Variants in CFTR observed in about 807,000 individuals in gnomAD.
CFTR encodes cystic fibrosis transmembrane conductance regulator.
Under a neutral mutation model 171.6 loss-of-function variants are expected in CFTR, and 181 were observed. The observed-to-expected ratio is 1.05, with a 90% CI of 0.93 to 1.19. The LOEUF (loss-of-function observed/expected upper bound fraction) is 1.19. Among genes scored for constraint, CFTR ranks in the 50% most tolerant of loss-of-function variants. The probability of loss-of-function intolerance (pLI) is 0.00; values close to 1 mark genes in which losing one functional copy is unlikely to be tolerated. For missense variants in CFTR, 1,968 were observed against 1,734.7 expected (o/e 1.13, Z -2.39); for synonymous variants, 583 against 608.0 (o/e 0.96, Z 0.60).
At position 117,590,524 on chromosome 7, in the gene CFTR, T is replaced by A. The variant is rs1395260742; in HGVS notation, c.1766+85T>A. 4.1e-6 allele frequency: 6 copies of A among 1,472,192 alleles called. No individual in the cohort carries two copies. In the East Asian group the frequency reaches 1.4e-4, roughly 35 times the overall value. 91.2% of individuals were successfully genotyped at this position (1,472,192 alleles called of 1,614,324 possible). A position where few individuals can be genotyped will look rare whatever the true frequency, so the allele number is the denominator to read the frequency against. On this transcript the variant is annotated intron_variant, in intron 13 of 26. Coordinates refer to ENST00000003084, the MANE Select transcript of CFTR (RefSeq NM_000492.4). ...GTCCCATCATAGATTGCATTTTACC[T>A]CTTGAGAAATATGTTCACCATTGTT...
intron 11 of CFTR, among the ~76,000 whole-genome samples, chr7:117,565,921 A>G (rs1454249029): frequency 6.6e-6 from 1 of 152,150 alleles, no homozygotes; most frequent in African/African-American, 2.4e-5. Flanking sequence ...AATAAACTCT[A>G]TCATGCAGAT....
intron 17 of CFTR, 112 bp from the exon 18 acceptor site, chr7:117,606,562 C>A: frequency 1.4e-6 from 1 of 701,032 alleles, no homozygotes; most frequent in Non-Finnish European, 2.6e-6. Context: ...TTTGCTAATT[C>A]TTATTTGGGT....
chr7:117,531,566 A>T (rs1002174178), intron 4 of CFTR, among the ~76,000 whole-genome samples: 5 of 152,110 alleles, frequency 3.3e-5, no homozygotes, highest in Admixed American at 2.6e-4. Flanking sequence ...AGTAGTATCC[A>T]CCGCCTTATT....
At chr7:117,498,059 G>A (rs1247125991) in intron 1 of CFTR, among the ~76,000 whole-genome samples, 1 of 152,064 alleles carries the variant, frequency 6.6e-6, no homozygotes, top group Non-Finnish European at 1.5e-5. Flanking sequence ...GGATTCATTA[G>A]GTACGAAGTT....
intron 1 of CFTR, among the ~76,000 whole-genome samples, chr7:117,483,976 A>G (rs1798035863): frequency 6.6e-6 from 1 of 152,210 alleles, no homozygotes; most frequent in Non-Finnish European, 1.5e-5. Context: ...ACCATTTTGA[A>G]TGGGACCACA....
intron 13 of CFTR, 36 bp downstream of exon 13, chr7:117,590,475 G>C: frequency 6.3e-7 from 1 of 1,582,118 alleles, no homozygotes; most frequent in Non-Finnish European, 8.6e-7. Flanking sequence ...TAATGCTCAT[G>C]CTAAAATAAA....
At chr7:117,642,945 A>G (rs1256447549) in intron 23 of CFTR, among the ~76,000 whole-genome samples, 1 of 152,218 alleles carries the variant, frequency 6.6e-6, no homozygotes. Flanking sequence ...GCGAGACATA[A>G]CAGATGCTCC....
chr7:117,648,157 A>G (rs1793027177), intron 23 of CFTR, among the ~76,000 whole-genome samples: 1 of 150,958 alleles, frequency 6.6e-6, no homozygotes, highest in Non-Finnish European at 1.5e-5. Flanking sequence ...GCATATATAC[A>G]CGCACACACA....
At chr7:117,536,307 C>T (rs551567455) in intron 6 of CFTR, among the ~76,000 whole-genome samples, 9 of 152,120 alleles carry the variant, frequency 5.9e-5, no homozygotes, top group Non-Finnish European at 1.0e-4. Flanking sequence ...AGATACCCAC[C>T]GCTCATAGGC....
intron 13 of CFTR, among the ~76,000 whole-genome samples, 179 bp downstream of exon 13, chr7:117,590,618 A>G (rs913102308): frequency 6.6e-6 from 1 of 152,078 alleles, no homozygotes; most frequent in Non-Finnish European, 1.5e-5. Flanking sequence ...ATTCAAGATT[A>G]CTTCCATTAA....
In CFTR at chr7:117,603,623, T is replaced by C; in HGVS notation, c.2749T>C (p.Tyr917His). 6.2e-7 allele frequency: 1 copy of C among 1,614,112 alleles called. No individual in the cohort carries two copies. The highest frequency in any genetic ancestry group is 8.5e-7 in the Non-Finnish European group (1 of 1,179,960). ...ITSTSSYYVFYIYVGVADTLL... is the reference protein window; with the variant it reads ...ITSTSSYYVFHIYVGVADTLL... ...CAGCACCAGTTCGTATTATGTGTTTTACATTTACGTGGGAGTAGCCGACAC... is the reference window on the plus strand; with the variant it reads ...CAGCACCAGTTCGTATTATGTGTTTCACATTTACGTGGGAGTAGCCGACAC... The change falls in exon 17 of 27, where the codon TAC (tyrosine) becomes CAC (histidine). Residue 917 changes from tyrosine to histidine, a missense_variant. Coordinates refer to ENST00000003084, the MANE Select transcript of CFTR (RefSeq NM_000492.4).
At chr7:117,508,362 AAGTTT>A (rs1322268481) in intron 2 of CFTR, among the ~76,000 whole-genome samples, 4 of 152,164 alleles carry the variant, frequency 2.6e-5, no homozygotes, top group Non-Finnish European at 5.9e-5. Context: ...AGAAAACAGA[AAGTTT>A]ACTAGATTTC....
chr7:117,665,556 C>A lies in CFTR; in HGVS notation c.4234C>A (p.Gln1412Lys). 1.2e-6 allele frequency: 2 copies of A among 1,606,104 alleles called. No homozygotes were observed. The highest frequency in any genetic ancestry group is 1.7e-6 in the Non-Finnish European group (2 of 1,172,884). Residue 1412 changes from glutamine to lysine, a missense_variant, in exon 26 of 27, where the codon CAA (glutamine) becomes AAA (lysine). Coordinates refer to ENST00000003084, the MANE Select transcript of CFTR (RefSeq NM_000492.4). The stretch of plus-strand genomic sequence containing the variant: ...GATAGAAGCAATGCTGGAATGCCAA[C>A]AATTTTTGGTGAGTCTTTATAACTT... ...HRIEAMLECQ[Q>K]FLVIEENKVR... is the part of the protein sequence containing the mutation.
intron 20 of CFTR, among the ~76,000 whole-genome samples, chr7:117,613,724 G>A (rs1792439571): frequency 6.6e-6 from 1 of 151,888 alleles, no homozygotes; most frequent in Admixed American, 6.6e-5. Context: ...TTCTGTTAGA[G>A]GAATTGCAGA....
intron 2 of CFTR, among the ~76,000 whole-genome samples, chr7:117,505,054 A>G (rs1488315341): frequency 6.6e-6 from 1 of 152,206 alleles, no homozygotes; most frequent in Non-Finnish European, 1.5e-5. Flanking sequence ...GTTATCAAAC[A>G]AATGTAAAAA....
At position 117,642,464 on chromosome 7, in the gene CFTR, A is replaced by C. The variant is rs1318440537; in HGVS notation, c.3744A>C (p.Ser1248=). The C allele has an allele frequency of 6.2e-7, 1 of 1,613,678 alleles. No homozygotes were observed. The highest frequency in any genetic ancestry group is 1.3e-5 in the African/African-American group (1 of 75,048). ...TGGGCCTCTTGGGAAGAACTGGATC[A>C]GGGAAGAGTACTTTGTTATCAGCTT... The part of the protein sequence containing the change: ...QRVGLLGRTG[S]GKSTLLSAFL... Residue 1248 remains serine (S), a synonymous_variant, in exon 23 of 27, where the codon TCA becomes TCC. Coordinates refer to ENST00000003084, the MANE Select transcript of CFTR (RefSeq NM_000492.4).
At chr7:117,515,654 T>G (rs1239906516) in intron 3 of CFTR, among the ~76,000 whole-genome samples, 5 of 152,206 alleles carry the variant, frequency 3.3e-5, no homozygotes, top group African/African-American at 1.2e-4. Flanking sequence ...TGATTCCATA[T>G]GAAATTTAAA....
At chr7:117,644,483 T>G (rs1366888337) in intron 23 of CFTR, among the ~76,000 whole-genome samples, 1 of 152,200 alleles carries the variant, frequency 6.6e-6, no homozygotes, top group Non-Finnish European at 1.5e-5. Flanking sequence ...CTTTTCTGTT[T>G]TTTTCTTCCT....
intron 9 of CFTR, among the ~76,000 whole-genome samples, chr7:117,547,996 C>CG (rs1799190968): frequency 6.6e-6 from 1 of 152,156 alleles, no homozygotes; most frequent in Non-Finnish European, 1.5e-5. Context: ...AAGCTTCCCA[C>CG]GGGGGCAATA....
Sources: allele counts gnomAD v4.1 joint callset (sites outside exome capture counted in the v4.1 genomes callset), GRCh38; gene constraint gnomAD v4.1.1; transcripts MANE v1.5; gene names NCBI Gene and HGNC (gene_info 2026-07-23, HGNC 2026-07-21).